Variants in PCCA observed in about 807,000 individuals in gnomAD.
PCCA encodes the protein propionyl-CoA carboxylase subunit alpha, also known as propionyl-CoA carboxylase alpha chain, mitochondrial.
In PCCA, 74 loss-of-function variants were observed where a neutral mutation model predicts 101.3. The observed-to-expected ratio is 0.73, with a 90% confidence interval of 0.61 to 0.89. The LOEUF (loss-of-function observed/expected upper bound fraction) is 0.89, where lower values mean the gene tolerates loss of function less well. PCCA is among the 40% of genes least tolerant of loss of function. The pLI is 0.00. For missense variants in PCCA, 891 were observed against 907.0 expected, an observed-to-expected ratio of 0.98 and a Z score of 0.23; for synonymous variants, 294 against 313.6, an observed-to-expected ratio of 0.94 and a Z score of 0.66.
chr13:100,306,779 A>G (rs1411788523), intron 14 of PCCA, among the ~76,000 whole-genome samples: 1 of 152,226 alleles, frequency 6.6e-6, no homozygotes, highest in Non-Finnish European at 1.5e-5. Flanking sequence ...TGAAAGGCCC[A>G]GGCCCACATT....
chr13:100,240,135 T>C (rs1425679777), intron 8 of PCCA, among the ~76,000 whole-genome samples: 1 of 152,214 alleles, frequency 6.6e-6, no homozygotes, highest in African/African-American at 2.4e-5. Flanking sequence ...ATTTAAAATC[T>C]TTAAAGAACA....
At chr13:100,515,324 G>A (rs918607265) in intron 21 of PCCA, 103 bp from the exon 22 acceptor site, 28 of 1,004,622 alleles carry the variant, frequency 2.8e-5, no homozygotes, top group Middle Eastern at 5.0e-4. Context: ...GGCTCTTACT[G>A]TAATTTGAAT....
chr13:100,301,675 A>G (rs1051734813), intron 13 of PCCA, 72 bp downstream of exon 13: 2 of 1,532,768 alleles, frequency 1.3e-6, no homozygotes, highest in South Asian at 1.1e-5. Flanking sequence ...TAGCCAAACA[A>G]TGAGGTAAAG....
At position 100,347,502 on chromosome 13, in the gene PCCA, C is replaced by T. The variant is rs139477741; in HGVS notation, c.1643+7243C>T. ...TATTCCAATGAATGCTTTTGGGAAA[C>T]ACAGAGTATGTTATATTGTGATTTG... On this transcript the variant is annotated intron_variant, in intron 18 of 23. Coordinates refer to ENST00000376285, the MANE Select transcript of PCCA (RefSeq NM_000282.4). Among the ~76,000 whole-genome samples, 458 of 152,246 alleles carry T rather than the reference C, an allele frequency of 3.0e-3. 1 individual carries two copies. The highest frequency in any genetic ancestry group is 0.011 in the African/African-American group (440 of 41,544).
At chr13:100,379,151 A>G (rs1284182934) in intron 19 of PCCA, among the ~76,000 whole-genome samples, 2 of 152,122 alleles carry the variant, frequency 1.3e-5, no homozygotes, top group East Asian at 3.9e-4. Flanking sequence ...TTCTGGGTGC[A>G]TGTGGTAGTC....
chr13:100,438,702 C>T (rs1007484448), intron 20 of PCCA, among the ~76,000 whole-genome samples: 1 of 151,646 alleles, frequency 6.6e-6, no homozygotes, highest in Non-Finnish European at 1.5e-5. Flanking sequence ...TGCAGCCATC[C>T]GAGATCACGC....
intron 21 of PCCA, among the ~76,000 whole-genome samples, chr13:100,488,628 GTTTTGTTTTTTTTTTGT>G (rs2084609338): frequency 6.0e-5 from 4 of 67,030 alleles, no homozygotes; most frequent in East Asian, 1.2e-3. Flanking sequence ...TTGTTTTTTT[GTTTTGTTTTTTTTTTGT>G]TTTTTTTTTT....
At chr13:100,093,978 C>T (rs905445842) in intron 1 of PCCA, among the ~76,000 whole-genome samples, 1 of 152,002 alleles carries the variant, frequency 6.6e-6, no homozygotes, top group Non-Finnish European at 1.5e-5. Flanking sequence ...CCTGTAATCC[C>T]AGCACTTTGG....
intron 7 of PCCA, among the ~76,000 whole-genome samples, chr13:100,219,262 T>A (rs1244010392): frequency 6.6e-6 from 1 of 152,172 alleles, no homozygotes; most frequent in Admixed American, 6.6e-5. Flanking sequence ...AATTATATAT[T>A]TTTTTGATGA....
intron 4 of PCCA, among the ~76,000 whole-genome samples, chr13:100,124,050 A>G (rs1040673996): frequency 2.0e-5 from 3 of 152,184 alleles, no homozygotes; most frequent in Non-Finnish European, 4.4e-5. Context: ...AGATTGTTGT[A>G]CTTCTCCAAA....
At chr13:100,110,942 A>T (rs912505922) in intron 2 of PCCA, among the ~76,000 whole-genome samples, 1 of 151,936 alleles carries the variant, frequency 6.6e-6, no homozygotes, top group African/African-American at 2.4e-5. Flanking sequence ...AGTAGCTGGG[A>T]TTACTTGGGA....
intron 6 of PCCA, among the ~76,000 whole-genome samples, chr13:100,204,344 T>G (rs2058726521): frequency 6.6e-6 from 1 of 152,216 alleles, no homozygotes; most frequent in African/African-American, 2.4e-5. Flanking sequence ...TTTGCCATGT[T>G]GCTCAGCCTG....
intron 22 of PCCA, among the ~76,000 whole-genome samples, chr13:100,517,065 G>GTC (rs2086888778): frequency 1.2e-5 from 1 of 81,442 alleles, no homozygotes; most frequent in Non-Finnish European, 3.3e-5. Flanking sequence ...GTGTGTGTGT[G>GTC]TGTGTGTGTG....
At chr13:100,175,776 A>G (rs989342414) in intron 6 of PCCA, among the ~76,000 whole-genome samples, 1 of 152,226 alleles carries the variant, frequency 6.6e-6, no homozygotes, top group African/African-American at 2.4e-5. Context: ...TCTGATTAGC[A>G]ATGCATAAAG....
intron 18 of PCCA, among the ~76,000 whole-genome samples, chr13:100,357,064 C>T (rs1490808120): frequency 6.6e-6 from 1 of 152,082 alleles, no homozygotes; most frequent in Admixed American, 6.5e-5. Context: ...AGTAACTGCT[C>T]TCGTATCTAA....
At chr13:100,164,561 C>T (rs1366202991) in intron 6 of PCCA, among the ~76,000 whole-genome samples, 1 of 152,162 alleles carries the variant, frequency 6.6e-6, no homozygotes, top group African/African-American at 2.4e-5. Context: ...GTTGGGTATA[C>T]AAGAATGACC....
At chr13:100,507,369 C>G (rs568689199) in intron 21 of PCCA, among the ~76,000 whole-genome samples, 1 of 152,308 alleles carries the variant, frequency 6.6e-6, no homozygotes, top group South Asian at 2.1e-4. Flanking sequence ...ACACATGGCA[C>G]TATGGCGCCA....
intron 19 of PCCA, among the ~76,000 whole-genome samples, chr13:100,387,787 T>C (rs1024952529): frequency 2.6e-5 from 4 of 152,206 alleles, no homozygotes; most frequent in African/African-American, 9.6e-5. Context: ...CCGTGTACTC[T>C]GGAAAATTGC....
At chr13:100,345,624 A>G (rs1157052573) in intron 18 of PCCA, among the ~76,000 whole-genome samples, 1 of 152,256 alleles carries the variant, frequency 6.6e-6, no homozygotes, top group Non-Finnish European at 1.5e-5. Context: ...AGATCTCACT[A>G]GCATCATCGA....
Sources: gnomAD v4.1 joint callset for allele counts (sites outside exome capture counted in the v4.1 genomes callset) on GRCh38, gnomAD v4.1.1 for gene constraint, MANE v1.5 for transcripts, NCBI Gene and HGNC (gene_info 2026-07-23, HGNC 2026-07-21) for gene names.